The following CHMP1A variants were observed in gnomAD, a reference collection of about 807,000 sequenced individuals.
CHMP1A encodes VPS46 homolog A.
A neutral mutation model predicts 27.0 loss-of-function variants in CHMP1A; 17 were observed. The observed-to-expected ratio is 0.63, with a 90% CI of 0.43 to 0.95. CHMP1A has a LOEUF of 0.95. Ranked by LOEUF, CHMP1A falls within the 40% of genes least tolerant of loss-of-function variation. The probability of loss-of-function intolerance (pLI) is 0.00; values close to 1 mark genes in which losing one functional copy is unlikely to be tolerated. For missense variants in CHMP1A, 275 were observed against 264.0 expected (o/e 1.04, Z -0.29); for synonymous variants, 131 against 107.5 (o/e 1.22, Z -1.35).
intron 2 of CHMP1A, 63 bp from the exon 3 acceptor site, chr16:89,651,709 C>T: frequency 1.3e-6 from 2 of 1,488,202 alleles, no homozygotes; most frequent in Non-Finnish European, 1.8e-6. Context: ...GCCCGGCTCT[C>T]CACACCCCCA....
At chr16:89,646,184 C>T in intron 6 of CHMP1A, 97 bp from the exon 7 acceptor site, 1 of 1,136,430 alleles carries the variant, frequency 8.8e-7, no homozygotes, top group Non-Finnish European at 1.2e-6. Flanking sequence ...TCCTCAGTGT[C>T]CTGAGATAAC....
At chr16:89,652,271 A>G (rs989183432) in intron 2 of CHMP1A, among the ~76,000 whole-genome samples, 2 of 151,842 alleles carry the variant, frequency 1.3e-5, no homozygotes, top group Admixed American at 6.5e-5. Flanking sequence ...CCTGGCCACC[A>G]GCACCTCAAG....
intron 6 of CHMP1A, 81 bp downstream of exon 6, chr16:89,646,446 C>G: frequency 7.1e-7 from 1 of 1,406,162 alleles, no homozygotes; most frequent in Non-Finnish European, 9.7e-7. Flanking sequence ...CTCCTCCAGC[C>G]TCTAACCCAC....
At chr16:89,653,841 C>G in intron 2 of CHMP1A, 63 bp downstream of exon 2, 2 of 1,530,636 alleles carry the variant, frequency 1.3e-6, no homozygotes, top group Non-Finnish European at 1.8e-6. Flanking sequence ...TCTGAGTGAG[C>G]GTGGCTTATA....
At chr16:89,654,233 G>T (rs1281416731) in intron 1 of CHMP1A, among the ~76,000 whole-genome samples, 1 of 152,238 alleles carries the variant, frequency 6.6e-6, no homozygotes, top group Non-Finnish European at 1.5e-5. Flanking sequence ...AGAGGTCATG[G>T]ACGCAGCATC....
chr16:89,651,712 C>T, intron 2 of CHMP1A, 66 bp from the exon 3 acceptor site: 10 of 1,493,746 alleles, frequency 6.7e-6, no homozygotes, highest in Middle Eastern at 1.9e-4. Context: ...CGGCTCTCCA[C>T]ACCCCCACAC....
rs753459727 is a variant in CHMP1A at position 89,651,560 on chromosome 16, G to A, written c.105+9C>T. ...GAGAGTCATGACCCCACAGCCCCCA[G>A]GGTCTCACCTTCTTCACTTTGGCCT... is the stretch of plus-strand genomic sequence containing the variant. On this transcript the variant is annotated intron_variant, in intron 3 of 6. Coordinates refer to ENST00000397901, the MANE Select transcript of CHMP1A (RefSeq NM_002768.5). 1.2e-6 allele frequency: 2 copies of A among 1,613,086 alleles called. No individual in the cohort carries two copies. The highest frequency in any genetic ancestry group is 3.3e-5 in the Admixed American group (2 of 59,974).
chr16:89,654,926 G>T (rs1020351264), intron 1 of CHMP1A, among the ~76,000 whole-genome samples: 8 of 148,876 alleles, frequency 5.4e-5, no homozygotes, highest in South Asian at 2.1e-4. Context: ...CTGGGCAACA[G>T]TGCAAGACTC....
chr16:89,646,884 G>GTCC, intron 5 of CHMP1A, 170 bp from the exon 6 acceptor site: 3 of 709,056 alleles, frequency 4.2e-6, no homozygotes, highest in Admixed American at 2.3e-5. Context: ...AGCCTTTCCT[G>GTCC]CCCCCCCACC....
chr16:89,646,756 C>A, intron 5 of CHMP1A, 42 bp from the exon 6 acceptor site: 1 of 1,581,124 alleles, frequency 6.3e-7, no homozygotes, highest in Non-Finnish European at 8.6e-7. Flanking sequence ...TGGGGCCAGG[C>A]CCATGGGGCC....
At chr16:89,655,583 C>A (rs1246590373) in intron 1 of CHMP1A, among the ~76,000 whole-genome samples, 1 of 152,172 alleles carries the variant, frequency 6.6e-6, no homozygotes, top group African/African-American at 2.4e-5. Flanking sequence ...TGAGAGAAGT[C>A]CCCTCAAAAG....
Position 89,649,342 on chromosome 16 carries a change from A to C in CHMP1A, c.252+9T>G, listed in dbSNP as rs762926413. ...CGCCACCCATCCAGCACCAGGGCCC[A>C]GCACTCACCCCCTTCATAGTCACAG... On this transcript the variant is annotated intron_variant, in intron 4 of 6. Coordinates refer to ENST00000397901, the MANE Select transcript of CHMP1A (RefSeq NM_002768.5). The C allele has an allele frequency of 1.6e-5, 26 of 1,609,630 alleles. No homozygotes were observed. The highest frequency in any genetic ancestry group is 2.1e-5 in the Non-Finnish European group (25 of 1,176,550).
chr16:89,655,815 G>C (rs187099174), intron 1 of CHMP1A, among the ~76,000 whole-genome samples: 109 of 152,238 alleles, frequency 7.2e-4, no homozygotes, highest in Middle Eastern at 3.4e-3. Flanking sequence ...TAGAAGAGAC[G>C]GGGTTTCACC....
chr16:89,648,649 G>A (rs1206963839), intron 4 of CHMP1A, among the ~76,000 whole-genome samples: 2 of 152,174 alleles, frequency 1.3e-5, no homozygotes, highest in African/African-American at 4.8e-5. Context: ...CCAGCACTTT[G>A]GGAGGCCGAG....
intron 5 of CHMP1A, 191 bp from the exon 6 acceptor site, chr16:89,646,905 C>CCCCCCCCCCCCCCT: frequency 1.2e-6 from 1 of 811,462 alleles, no homozygotes; most frequent in East Asian, 2.7e-5. Context: ...CAGCCCCACC[C>CCCCCCCCCCCCCCT]TCTGACTGTG....
Position 89,657,683 on chromosome 16 carries a change from A to G in CHMP1A, c.-95T>C, listed in dbSNP as rs993758741. On this transcript the variant is annotated 5_prime_UTR_variant, in exon 1 of 7. Transcript: ENST00000397901. ...GCGGCGATCGAACCGACCAAGCTGC[A>G]CCCGGCGGGGACTTCCGGGGTCGCC... 2.7e-5 allele frequency: 43 copies of G among 1,578,244 alleles called. No individual in the cohort carries two copies. The African/African-American group carries it at 5.5e-4, about 20-fold the overall frequency.
At chr16:89,649,549 C>T in intron 3 of CHMP1A, 52 bp from the exon 4 acceptor site, 1 of 1,603,996 alleles carries the variant, frequency 6.2e-7, no homozygotes, top group South Asian at 1.1e-5. Context: ...GTGTGTGCCC[C>T]CTGCTAGGAG....
At chr16:89,647,143 G>C in intron 5 of CHMP1A, 60 bp downstream of exon 5, 1 of 1,586,032 alleles carries the variant, frequency 6.3e-7, no homozygotes, top group Non-Finnish European at 8.6e-7. Flanking sequence ...CCCTCCCGAT[G>C]AGCTGCCCAC....
chr16:89,656,665 G>A (rs1464691104), intron 1 of CHMP1A, among the ~76,000 whole-genome samples: 2 of 152,218 alleles, frequency 1.3e-5, no homozygotes, highest in African/African-American at 4.8e-5. Flanking sequence ...TGGACGCAAA[G>A]AGCTGCTGTG....
Sources: allele counts gnomAD v4.1 joint callset (sites outside exome capture counted in the v4.1 genomes callset), GRCh38; gene constraint gnomAD v4.1.1; transcripts MANE v1.5; gene names NCBI Gene and HGNC (gene_info 2026-07-23, HGNC 2026-07-21).